TNFRSF13B: variants seen among roughly 807,000 people sequenced by gnomAD.
TNFRSF13B encodes TNF receptor superfamily member 13B.
Under a neutral mutation model 24.0 loss-of-function variants are expected in TNFRSF13B, and 34 were observed. The observed-to-expected ratio is 1.41, with a 90% confidence interval of 1.08 to 1.88. The LOEUF is 1.88. TNFRSF13B is among the 40% of genes most tolerant of loss of function. TNFRSF13B has a pLI of 0.00. For missense variants in TNFRSF13B, 415 were observed against 380.8 expected, an observed-to-expected ratio of 1.09 and a Z score of -0.75; for synonymous variants, 173 against 150.3, an observed-to-expected ratio of 1.15 and a Z score of -1.10.
In TNFRSF13B at chr17:16,952,420, C is replaced by A. The variant is rs775812086; in HGVS notation, c.199+26G>T. ...AAAGGAGGAGGGTGATCACACTGTC[C>A]CCTCGGCTCAGGCCCCAGAACTCAC... is the stretch of plus-strand genomic sequence containing the variant. On this transcript the variant is annotated intron_variant, in intron 2 of 4. Coordinates refer to ENST00000261652, the MANE Select transcript of TNFRSF13B (RefSeq NM_012452.3). The A allele has an allele frequency of 1.4e-5, 23 of 1,613,676 alleles. No individual in the cohort carries two copies. The East Asian group carries it at 4.2e-4, about 30-fold the overall frequency.
At position 16,939,781 on chromosome 17, in the gene TNFRSF13B, G is replaced by A. The variant is rs777265646; in HGVS notation, c.648C>T (p.Ala216=). Residue 216 remains alanine (A), a synonymous_variant, in exon 5 of 5, where the codon GCC becomes GCT. Transcript: ENST00000261652. The part of the protein sequence containing the change: ...AKSSQDHAME[A]GSPVSTSPEP... ...CGGGGGATGTGCTCACAGGGCTGCC[G>A]GCTTCCATCGCGTGATCTGCAGAGG... 1.8e-5 allele frequency: 29 copies of A among 1,611,450 alleles called. No homozygotes were observed. The highest frequency in any genetic ancestry group is 1.7e-4 in the Middle Eastern group (1 of 5,734).
chr17:16,958,851 G>C (rs1403841747), intron 1 of TNFRSF13B, among the ~76,000 whole-genome samples: 1 of 151,982 alleles, frequency 6.6e-6, no homozygotes, highest in Non-Finnish European at 1.5e-5. Context: ...GTAATAGATA[G>C]TCCTACACTA....
At chr17:16,957,543 G>A (rs2087633579) in intron 1 of TNFRSF13B, among the ~76,000 whole-genome samples, 1 of 151,978 alleles carries the variant, frequency 6.6e-6, no homozygotes, top group Admixed American at 6.6e-5. Context: ...GCCCACACCA[G>A]GACATATTAC....
intron 3 of TNFRSF13B, among the ~76,000 whole-genome samples, chr17:16,946,447 C>A (rs1161372845): frequency 6.6e-6 from 1 of 152,294 alleles, no homozygotes; most frequent in East Asian, 1.9e-4. Context: ...TTAATTAGAT[C>A]ATTTCTGATG....
chr17:16,959,808 G>A (rs1656411413), intron 1 of TNFRSF13B, among the ~76,000 whole-genome samples: 1 of 151,944 alleles, frequency 6.6e-6, no homozygotes. Context: ...CTCCTATAAC[G>A]AGATTGAATC....
chr17:16,944,450 A>C (rs2087533433), intron 3 of TNFRSF13B, among the ~76,000 whole-genome samples: 1 of 152,172 alleles, frequency 6.6e-6, no homozygotes, highest in South Asian at 2.1e-4. Context: ...GAGGGTCGGT[A>C]GCTTGCTCCA....
intron 3 of TNFRSF13B, among the ~76,000 whole-genome samples, chr17:16,944,990 G>T (rs2087537246): frequency 6.6e-6 from 1 of 152,118 alleles, no homozygotes; most frequent in Non-Finnish European, 1.5e-5. Context: ...CTTCCTGTTT[G>T]CAATCCACAG....
chr17:16,957,538 C>T (rs1385401072), intron 1 of TNFRSF13B, among the ~76,000 whole-genome samples: 1 of 152,070 alleles, frequency 6.6e-6, no homozygotes, highest in African/African-American at 2.4e-5. Flanking sequence ...AAGAAGCCCA[C>T]ACCAGGACAT....
rs1228166650 is a variant in TNFRSF13B, at chr17:16,948,726, T to C, written c.445+12A>G. On this transcript the variant is annotated intron_variant, in intron 3 of 4. Coordinates refer to ENST00000261652, the MANE Select transcript of TNFRSF13B (RefSeq NM_012452.3). ...TGCGTGACACCATGCAGGTTTGCCT[T>C]GGGTGGCTTACCTGGACTTGCTTCT... 1 of 1,613,646 alleles carries C rather than the reference T, an allele frequency of 6.2e-7. No homozygotes were observed. Among genetic ancestry groups the C allele is most frequent in the East Asian group, 2.2e-5 (1 of 44,888 alleles).
At chr17:16,941,568 C>A in intron 3 of TNFRSF13B, 1 of 987,530 alleles carries the variant, frequency 1.0e-6, no homozygotes, top group East Asian at 1.1e-4. Context: ...TACAGCACCC[C>A]CTTCATCTTC....
At chr17:16,944,553 G>T (rs1443711842) in intron 3 of TNFRSF13B, among the ~76,000 whole-genome samples, 1 of 152,150 alleles carries the variant, frequency 6.6e-6, no homozygotes, top group Non-Finnish European at 1.5e-5. Flanking sequence ...CCTCGGGGAA[G>T]CCTTCCTTGT....
Position 16,939,324 on chromosome 17 carries a change from TCTGC to T in TNFRSF13B, c.*219_*222del, listed in dbSNP as rs1386813036. ...CTCTCCCTCTCTGCCTCTCTCCTTC[TCTGC>T]CTGTCTCTTTCCTTCTCTGCCTCTT... On this transcript the variant is annotated 3_prime_UTR_variant, in exon 5 of 5. Transcript: ENST00000261652. The T allele has an allele frequency of 1.8e-5, 10 of 547,216 alleles. No homozygotes were observed. The highest frequency in any genetic ancestry group is 1.7e-4 in the African/African-American group (9 of 51,582). The allele number at this position is 547,216 out of a possible 1,614,324, so 33.9% of individuals were successfully genotyped here. A position where few individuals can be genotyped will look rare whatever the true frequency, so the allele number is the denominator to read the frequency against.
chr17:16,960,782 A>G (rs1214025969), intron 1 of TNFRSF13B, among the ~76,000 whole-genome samples: 1 of 152,240 alleles, frequency 6.6e-6, no homozygotes, highest in Non-Finnish European at 1.5e-5. Flanking sequence ...ACTTTTGTGC[A>G]CCAAAGGACA....
At chr17:16,944,016 T>C (rs918335069) in intron 3 of TNFRSF13B, among the ~76,000 whole-genome samples, 5 of 152,128 alleles carry the variant, frequency 3.3e-5, no homozygotes, top group Non-Finnish European at 7.4e-5. Context: ...GAGCCTGCCC[T>C]CCTCTCCCCA....
At position 16,940,495 on chromosome 17, in the gene TNFRSF13B, C is replaced by A; in HGVS notation, c.462G>T (p.Lys154Asn). Residue 154 changes from lysine (K) to asparagine (N), a missense_variant, in exon 4 of 5, where the codon AAG becomes AAT. Transcript: ENST00000261652. Reference sequence around the variant, plus strand: ...CCAGGGCCACCTGATCTGCACTCAGCTTCAGCCCCGGGAGAGCTGCAAGAC... The same window carrying A: ...CCAGGGCCACCTGATCTGCACTCAGATTCAGCCCCGGGAGAGCTGCAAGAC... ...SEASPALPGL[K>N]LSADQVALVY... 6.2e-7 allele frequency: 1 copy of A among 1,613,716 alleles called. No homozygotes were observed. Among genetic ancestry groups the A allele is most frequent in the Non-Finnish European group, 8.5e-7 (1 of 1,180,022 alleles).
intron 1 of TNFRSF13B, among the ~76,000 whole-genome samples, chr17:16,970,084 T>C (rs2143693506): frequency 6.6e-6 from 1 of 152,278 alleles, no homozygotes; most frequent in South Asian, 2.1e-4. Flanking sequence ...AGACAGCAGA[T>C]GCCAAGCTGA....
intron 1 of TNFRSF13B, among the ~76,000 whole-genome samples, chr17:16,961,939 G>A (rs1452647832): frequency 1.3e-5 from 2 of 152,150 alleles, no homozygotes; most frequent in Non-Finnish European, 2.9e-5. Flanking sequence ...AAAAAACCAC[G>A]GGTAGAACAG....
chr17:16,941,100 A>C (rs1021508822), intron 3 of TNFRSF13B: 2 of 601,272 alleles, frequency 3.3e-6, no homozygotes, highest in African/African-American at 4.0e-5. Context: ...GCCATGTAGA[A>C]GGGTGTTATA....
intron 3 of TNFRSF13B, among the ~76,000 whole-genome samples, chr17:16,947,747 G>A (rs951861453): frequency 2.0e-5 from 3 of 152,234 alleles, no homozygotes; most frequent in African/African-American, 7.2e-5. Flanking sequence ...TACGCTGTTG[G>A]TGGAATGTAA....
Sources: allele counts gnomAD v4.1 joint callset (sites outside exome capture counted in the v4.1 genomes callset), GRCh38; gene constraint gnomAD v4.1.1; transcripts MANE v1.5; gene names NCBI Gene and HGNC (gene_info 2026-07-23, HGNC 2026-07-21).